The following FSTL5 variants were observed in gnomAD, a reference collection of about 807,000 sequenced individuals.
FSTL5 encodes follistatin like 5, also known as follistatin-related protein 5.
A neutral mutation model predicts 89.1 loss-of-function variants in FSTL5; 62 were observed. The observed-to-expected ratio is 0.70, with a 90% CI of 0.57 to 0.86. The LOEUF (loss-of-function observed/expected upper bound fraction) is 0.86. Ranked by LOEUF, FSTL5 falls within the 40% of genes least tolerant of loss-of-function variation. The pLI, the probability that FSTL5 is intolerant of heterozygous loss-of-function variation, is 0.00. For synonymous variants in FSTL5, 383 were observed against 346.2 expected (o/e 1.11, Z -1.18); for missense variants, 1,057 against 1,001.6 (o/e 1.06, Z -0.75).
At chr4:161,622,917 A>G (rs1213889367) in intron 7 of FSTL5, among the ~76,000 whole-genome samples, 3 of 152,242 alleles carry the variant, frequency 2.0e-5, no homozygotes, top group African/African-American at 7.2e-5. Context: ...AGAACAATCT[A>G]TAAATATAAA....
chr4:161,493,814 T>G (rs973753244), intron 12 of FSTL5, among the ~76,000 whole-genome samples: 1 of 152,142 alleles, frequency 6.6e-6, no homozygotes, highest in African/African-American at 2.4e-5. Flanking sequence ...AACATTCTGA[T>G]GGTATTCATC....
intron 4 of FSTL5, among the ~76,000 whole-genome samples, chr4:161,874,817 G>T (rs148717447): frequency 8.5e-5 from 13 of 152,166 alleles, no homozygotes; most frequent in African/African-American, 3.1e-4. Flanking sequence ...TCCCAGGCAT[G>T]AATTCATAAT....
At chr4:161,901,890 G>A (rs1028807507) in intron 4 of FSTL5, among the ~76,000 whole-genome samples, 2 of 152,212 alleles carry the variant, frequency 1.3e-5, no homozygotes, top group African/African-American at 4.8e-5. Flanking sequence ...AGCCAAGATC[G>A]CGCCCTGGCA....
At chr4:161,420,353 C>T (rs1054842422) in intron 15 of FSTL5, among the ~76,000 whole-genome samples, 1 of 152,132 alleles carries the variant, frequency 6.6e-6, no homozygotes. Context: ...GTATCTCCTC[C>T]TTAGTTTGTT....
intron 4 of FSTL5, among the ~76,000 whole-genome samples, chr4:161,883,368 T>C (rs765584448): frequency 4.6e-5 from 7 of 152,334 alleles, no homozygotes; most frequent in Non-Finnish European, 1.0e-4. Context: ...CAATGATGTA[T>C]GTTGTTATAA....
intron 4 of FSTL5, among the ~76,000 whole-genome samples, chr4:161,909,263 C>A (rs566114099): frequency 6.6e-6 from 1 of 151,996 alleles, no homozygotes; most frequent in East Asian, 1.9e-4. Flanking sequence ...TACAATAAAG[C>A]GGACATAACA....
intron 6 of FSTL5, among the ~76,000 whole-genome samples, chr4:161,701,306 T>C (rs1052576931): frequency 6.6e-6 from 1 of 152,168 alleles, no homozygotes; most frequent in Non-Finnish European, 1.5e-5. Context: ...ATAATATTTG[T>C]TCTCAATGGC....
intron 4 of FSTL5, among the ~76,000 whole-genome samples, chr4:161,909,584 T>C (rs538393034): frequency 6.6e-6 from 1 of 152,296 alleles, no homozygotes; most frequent in Admixed American, 6.5e-5. Context: ...CCTTCTCTGT[T>C]ACTTGCAACT....
chr4:161,834,093 G>T (rs1272321296), intron 4 of FSTL5, among the ~76,000 whole-genome samples: 1 of 152,096 alleles, frequency 6.6e-6, no homozygotes, highest in Non-Finnish European at 1.5e-5. Flanking sequence ...ACATCAAAAA[G>T]CTTATCCACC....
intron 5 of FSTL5, among the ~76,000 whole-genome samples, chr4:161,770,851 G>A (rs919577738): frequency 1.3e-5 from 2 of 151,630 alleles, no homozygotes; most frequent in East Asian, 1.9e-4. Flanking sequence ...TTATCTGGGG[G>A]GATACAGCCC....
At chr4:161,608,118 C>T (rs546689409) in intron 7 of FSTL5, among the ~76,000 whole-genome samples, 1 of 152,224 alleles carries the variant, frequency 6.6e-6, no homozygotes, top group South Asian at 2.1e-4. Flanking sequence ...ATTAAAACAT[C>T]TGCTCACTCT....
intron 15 of FSTL5, among the ~76,000 whole-genome samples, chr4:161,433,221 T>C (rs1022489566): frequency 2.0e-5 from 3 of 151,954 alleles, no homozygotes; most frequent in African/African-American, 7.2e-5. Context: ...TTAAAAGTTA[T>C]TCAACATGAC....
intron 6 of FSTL5, among the ~76,000 whole-genome samples, chr4:161,687,513 C>T (rs1273826210): frequency 1.3e-5 from 2 of 152,168 alleles, no homozygotes; most frequent in Non-Finnish European, 2.9e-5. Flanking sequence ...AACATATCCA[C>T]TCATGAATGT....
At chr4:161,674,718 G>A (rs751638483) in intron 6 of FSTL5, among the ~76,000 whole-genome samples, 4 of 152,086 alleles carry the variant, frequency 2.6e-5, no homozygotes, top group Admixed American at 6.6e-5. Context: ...TAGGAGTTAA[G>A]GTCTGTAACT....
intron 3 of FSTL5, among the ~76,000 whole-genome samples, chr4:161,987,633 A>G (rs2111067045): frequency 6.8e-6 from 1 of 147,930 alleles, no homozygotes; most frequent in South Asian, 2.1e-4. Flanking sequence ...ATATAATGAA[A>G]GTATATATAT....
At chr4:161,961,942 A>T (rs1045691756) in intron 3 of FSTL5, among the ~76,000 whole-genome samples, 1 of 151,786 alleles carries the variant, frequency 6.6e-6, no homozygotes, top group Non-Finnish European at 1.5e-5. Context: ...GGATAAATCT[A>T]TGTAAATTTA....
At chr4:161,955,764 A>C (rs2110965502) in intron 3 of FSTL5, among the ~76,000 whole-genome samples, 1 of 151,800 alleles carries the variant, frequency 6.6e-6, no homozygotes, top group South Asian at 2.1e-4. Flanking sequence ...AGCATCTGTA[A>C]CTCTTGCAGT....
Position 161,924,292 on chromosome 4 carries a change from A to G in FSTL5, c.161-3640T>C, listed in dbSNP as rs183597510. On this transcript the variant is annotated intron_variant, in intron 3 of 15. Transcript: ENST00000306100. ...GACTAAACATACCAAGCAATAAAGCAAAATCATTCCCTATTATTCTAAGAT... is the reference window on the plus strand; with the variant it reads ...GACTAAACATACCAAGCAATAAAGCGAAATCATTCCCTATTATTCTAAGAT... Among the ~76,000 whole-genome samples, 9 of 151,442 alleles carry G rather than the reference A, an allele frequency of 5.9e-5. No homozygotes were observed. The East Asian group carries it at 1.7e-3, about 29-fold the overall frequency.
chr4:161,723,912 T>C (rs1000828883), intron 6 of FSTL5, among the ~76,000 whole-genome samples: 1 of 152,142 alleles, frequency 6.6e-6, no homozygotes, highest in Non-Finnish European at 1.5e-5. Flanking sequence ...AAATTTGCTG[T>C]TTGGGATGCT....
Sources: gnomAD v4.1 joint callset for allele counts (sites outside exome capture counted in the v4.1 genomes callset) on GRCh38, gnomAD v4.1.1 for gene constraint, MANE v1.5 for transcripts, NCBI Gene and HGNC (gene_info 2026-07-23, HGNC 2026-07-21) for gene names.